Variants in PAQR3 observed in about 807,000 individuals in gnomAD.
PAQR3 encodes the protein Raf kinase trapping to Golgi.
A neutral mutation model predicts 41.7 loss-of-function variants in PAQR3; 39 were observed. That is an observed-to-expected ratio of 0.93 (90% CI 0.72 to 1.22). PAQR3 has a LOEUF of 1.22. PAQR3 is among the 50% of genes most tolerant of loss of function. The pLI, the probability that PAQR3 is intolerant of heterozygous loss-of-function variation, is 0.00. For synonymous variants in PAQR3, 140 were observed against 140.6 expected, an observed-to-expected ratio of 1.00 and a Z score of 0.03; for missense variants, 366 against 385.6, an observed-to-expected ratio of 0.95 and a Z score of 0.42.
intron 1 of PAQR3, among the ~76,000 whole-genome samples, chr4:78,937,370 T>C (rs1280307650): frequency 6.6e-6 from 1 of 152,234 alleles, no homozygotes; most frequent in Non-Finnish European, 1.5e-5. Context: ...AGTAAAACCC[T>C]ATGTCTTGTT....
intron 5 of PAQR3, among the ~76,000 whole-genome samples, chr4:78,921,216 T>C (rs1483469333): frequency 6.6e-6 from 1 of 151,962 alleles, no homozygotes; most frequent in Non-Finnish European, 1.5e-5. Flanking sequence ...AATGGATTAA[T>C]TAACTAAGGT....
intron 11 of PAQR3, among the ~76,000 whole-genome samples, chr4:78,902,037 G>T (rs1349908225): frequency 6.6e-6 from 1 of 152,124 alleles, no homozygotes; most frequent in Non-Finnish European, 1.5e-5. Context: ...CAGTCCAAAT[G>T]CTGGGCCATT....
chr4:78,925,470 A>G (rs2110144462), intron 4 of PAQR3, among the ~76,000 whole-genome samples: 1 of 152,296 alleles, frequency 6.6e-6, no homozygotes, highest in East Asian at 1.9e-4. Context: ...CTAATTTATG[A>G]AGACATCATC....
intron 11 of PAQR3, among the ~76,000 whole-genome samples, chr4:78,894,106 CT>C (rs767664515): frequency 5.3e-5 from 8 of 152,272 alleles, no homozygotes; most frequent in South Asian, 2.1e-4. Flanking sequence ...GTCATCCAGG[CT>C]TTGTTATTTC....
Position 78,911,992 on chromosome 4 carries a change from T to G in PAQR3, c.*8547A>C. 6.2e-7 allele frequency: 1 copy of G among 1,613,706 alleles called. No homozygotes were observed. Among genetic ancestry groups the G allele is most frequent in the Non-Finnish European group, 8.5e-7 (1 of 1,179,680 alleles). ...GTCCCAACAGTCCCAACCAGTCGAA[T>G]TAGACCCATTTGGTGCTGCTCCATT... On this transcript the variant is annotated 3_prime_UTR_variant, in exon 6 of 6. Transcript: ENST00000512733.
chr4:78,904,704 G>T (rs1712456797), intron 11 of PAQR3, among the ~76,000 whole-genome samples: 1 of 151,870 alleles, frequency 6.6e-6, no homozygotes, highest in Non-Finnish European at 1.5e-5. Context: ...AATTGAAAGA[G>T]CACTGCATTT....
At chr4:78,922,413 G>A (rs954867688) in intron 5 of PAQR3, 1 of 1,288,856 alleles carries the variant, frequency 7.8e-7, no homozygotes, top group African/African-American at 1.5e-5. Context: ...ATTCACCGTG[G>A]AAGTGATTCT....
downstream of PAQR3, among the ~76,000 whole-genome samples, chr4:78,909,524 T>C (rs558857980): frequency 2.6e-4 from 39 of 152,292 alleles, no homozygotes; most frequent in Admixed American, 2.4e-3. Flanking sequence ...CCTCATGTTG[T>C]ACCTGATCCT....
intron 5 of PAQR3, chr4:78,922,371 C>T (rs1158110191): frequency 7.8e-7 from 1 of 1,288,514 alleles, no homozygotes; most frequent in East Asian, 5.5e-5. Context: ...TCTTTCCCAA[C>T]ACACGTGACG....
At chr4:78,921,576 C>A in intron 5 of PAQR3, 1 of 789,016 alleles carries the variant, frequency 1.3e-6, no homozygotes, top group Non-Finnish European at 1.5e-6. Flanking sequence ...AGGATTACAA[C>A]AAATATTGAT....
At chr4:78,926,747 T>A in intron 3 of PAQR3, 29 bp from the exon 4 acceptor site, 1 of 1,595,172 alleles carries the variant, frequency 6.3e-7, no homozygotes, top group Non-Finnish European at 8.6e-7. Flanking sequence ...ACATTTTAAT[T>A]CTGTTATTAA....
In PAQR3 at chr4:78,939,425, T is replaced by C. The variant is rs1349553021; in HGVS notation, c.-201A>G. 2 of 253,034 alleles carry C rather than the reference T, an allele frequency of 7.9e-6. No homozygotes were observed. The highest frequency in any genetic ancestry group is 1.4e-5 in the Non-Finnish European group (2 of 141,542). 15.7% of individuals were successfully genotyped at this position (253,034 alleles called of 1,614,324 possible). A position where few individuals can be genotyped will look rare whatever the true frequency, so the allele number is the denominator to read the frequency against. Reference sequence around the variant, plus strand: ...CAGCGCCGCGGCGGACCCGGCAGCGTCGCAGCCTCCTCTGACGTCAGCGCG... The same window carrying C: ...CAGCGCCGCGGCGGACCCGGCAGCGCCGCAGCCTCCTCTGACGTCAGCGCG... On this transcript the variant is annotated 5_prime_UTR_variant, in exon 1 of 6. Coordinates refer to ENST00000512733, the MANE Select transcript of PAQR3 (RefSeq NM_001040202.2).
rs777315430 is a variant in PAQR3, at chr4:78,920,508, C to A, written c.*31G>T. ...CAATTCCCCATTATATATTGCTTAA[C>A]AACTGAATTCACCAGGTGGCCATAC... On this transcript the variant is annotated 3_prime_UTR_variant, in exon 6 of 6. Coordinates refer to ENST00000512733, the MANE Select transcript of PAQR3 (RefSeq NM_001040202.2). 2.7e-5 allele frequency: 43 copies of A among 1,595,690 alleles called. No individual in the cohort carries two copies. In the Admixed American group the frequency reaches 6.1e-4, roughly 23 times the overall value.
chr4:78,928,335 TA>T (rs1736465418), intron 3 of PAQR3, among the ~76,000 whole-genome samples: 1 of 152,234 alleles, frequency 6.6e-6, no homozygotes, highest in Non-Finnish European at 1.5e-5. Flanking sequence ...AGCATACTGC[TA>T]AAATCAAGTC....
In PAQR3 at chr4:78,914,583, A is replaced by C. The variant is rs1418440485; in HGVS notation, c.*5956T>G. On this transcript the variant is annotated 3_prime_UTR_variant, in exon 6 of 6. Coordinates refer to ENST00000512733, the MANE Select transcript of PAQR3 (RefSeq NM_001040202.2). ...TTCCCTTGTGAGAATTATGAGAATA[A>C]AGCTCCCAAGATATGTGAAAGTGCT... is the stretch of plus-strand genomic sequence containing the variant. 4 of 151,948 alleles carry C rather than the reference A, an allele frequency of 2.6e-5. No individual in the cohort carries two copies. Among genetic ancestry groups the C allele is most frequent in the Non-Finnish European group, 2.9e-5 (2 of 67,900 alleles). 9.4% of individuals were successfully genotyped at this position (151,948 alleles called of 1,614,324 possible).
At chr4:78,909,574 A>G (rs1046444022), downstream of PAQR3, among the ~76,000 whole-genome samples, 3 of 152,046 alleles carry the variant, frequency 2.0e-5, no homozygotes, top group Non-Finnish European at 4.4e-5. Context: ...GCCTATTTTC[A>G]GCCCCTTAAA....
chr4:78,911,000 C>T (rs756342252), downstream of PAQR3: 4 of 1,613,682 alleles, frequency 2.5e-6, no homozygotes, highest in Middle Eastern at 1.7e-4. Context: ...GACATGAGCT[C>T]TGTCTACAGA....
In PAQR3 at chr4:78,926,607, T is replaced by A. The variant is rs1736254860; in HGVS notation, c.616A>T (p.Ile206Phe). Residue 206 changes from isoleucine to phenylalanine, a missense_variant, in exon 4 of 6, where the codon ATC (isoleucine) becomes TTC (phenylalanine). By Grantham distance (21) the Ile-to-Phe change is conservative. Transcript: ENST00000512733. ...TQQWQRLRSI[I>F]FCSVSGYGVI... Reference sequence around the variant, plus strand: ...CCATATCCCGAAACAGAACAAAAGATGATAGAACGGAGCCTTTGCCATTGC... The same window carrying A: ...CCATATCCCGAAACAGAACAAAAGAAGATAGAACGGAGCCTTTGCCATTGC... 6.2e-7 allele frequency: 1 copy of A among 1,613,864 alleles called. No individual in the cohort carries two copies. The highest frequency in any genetic ancestry group is 8.5e-7 in the Non-Finnish European group (1 of 1,179,922).
chr4:78,934,495 T>C (rs1417055970), intron 2 of PAQR3, among the ~76,000 whole-genome samples: 1 of 152,254 alleles, frequency 6.6e-6, no homozygotes, highest in Non-Finnish European at 1.5e-5. Flanking sequence ...ACAGTCCACA[T>C]TTGTTTTCTG....
Sources: gnomAD v4.1 joint callset for allele counts (sites outside exome capture counted in the v4.1 genomes callset) on GRCh38, gnomAD v4.1.1 for gene constraint, MANE v1.5 for transcripts, NCBI Gene and HGNC (gene_info 2026-07-23, HGNC 2026-07-21) for gene names.